Variants in TULP4 observed in about 807,000 individuals in gnomAD.
TULP4 encodes the protein tubby-related protein 4.
Under a neutral mutation model 129.0 loss-of-function variants are expected in TULP4, and 16 were observed. The ratio of observed to expected loss-of-function variants is 0.12; its 90% confidence interval spans 0.08 to 0.19. The LOEUF is 0.19. Among genes scored for constraint, TULP4 ranks in the 10% least tolerant of loss-of-function variants. The pLI is 1.00. For missense variants in TULP4, 1,842 were observed against 2,059.1 expected, an observed-to-expected ratio of 0.89 and a Z score of 2.04; for synonymous variants, 998 against 854.0, an observed-to-expected ratio of 1.17 and a Z score of -2.94.
intron 1 of TULP4, chr6:158,232,453 G>T (rs900470318): frequency 2.6e-5 from 4 of 151,376 alleles, no homozygotes; most frequent in African/African-American, 9.7e-5. Context: ...GCGGGCGGGG[G>T]TCGGGGCGGT....
chr6:158,367,604 G>A lies in TULP4; in HGVS notation c.253-45461G>A, dbSNP rs1035107957. On this transcript the variant is annotated intron_variant, in intron 1 of 13. Transcript: ENST00000367097. ...TCCACCTTAATAAAAATAATTCATG[G>A]TTAATTTTTTTAAAGATGTATGAAT... Among the ~76,000 whole-genome samples, 4 of 152,108 alleles carry A rather than the reference G, an allele frequency of 2.6e-5. No homozygotes were observed. In the South Asian group the frequency reaches 8.3e-4, roughly 32 times the overall value.
At chr6:158,382,351 C>G (rs1025022087) in intron 1 of TULP4, among the ~76,000 whole-genome samples, 1 of 152,114 alleles carries the variant, frequency 6.6e-6, no homozygotes, top group Non-Finnish European at 1.5e-5. Flanking sequence ...TTTTGGTACC[C>G]TGTGACGTTA....
intron 1 of TULP4, among the ~76,000 whole-genome samples, chr6:158,272,421 G>C (rs2128462399): frequency 6.6e-6 from 1 of 152,244 alleles, no homozygotes; most frequent in South Asian, 2.1e-4. Flanking sequence ...ATGAGGGAGA[G>C]GCTGGAGCTG....
At chr6:158,406,975 A>T (rs955253636) in intron 1 of TULP4, among the ~76,000 whole-genome samples, 1 of 152,214 alleles carries the variant, frequency 6.6e-6, no homozygotes, top group Non-Finnish European at 1.5e-5. Context: ...CTTTGACCAC[A>T]GATCTGTTTT....
At chr6:158,242,691 A>G (rs1048308222) in intron 1 of TULP4, 65 of 598,036 alleles carry the variant, frequency 1.1e-4, no homozygotes, top group Non-Finnish European at 1.8e-4. Flanking sequence ...CAGGCCAGTT[A>G]CATCATCTTT....
Position 158,502,275 on chromosome 6 carries a change from C to T in TULP4, c.2612C>T (p.Ser871Phe). ...VDVCLKKGDF[S>F]LYPTSVHYQT... ...GTGTGCTTGAAGAAGGGCGACTTCT[C>T]CCTCTACCCCACGTCAGTGCACTAC... The change falls in exon 13 of 14, where the codon TCC becomes TTC. Residue 871 changes from serine to phenylalanine, a missense_variant. Coordinates refer to ENST00000367097, the MANE Select transcript of TULP4 (RefSeq NM_020245.5). 6.2e-7 allele frequency: 1 copy of T among 1,604,960 alleles called. No individual in the cohort carries two copies. The highest frequency in any genetic ancestry group is 8.5e-7 in the Non-Finnish European group (1 of 1,175,264).
chr6:158,412,999 T>C (rs1778130626), intron 1 of TULP4, 66 bp from the exon 2 acceptor site: 1 of 1,556,134 alleles, frequency 6.4e-7, no homozygotes. Context: ...TCTGATCACA[T>C]CACAGAAATA....
At chr6:158,364,462 A>G (rs572663344) in intron 1 of TULP4, among the ~76,000 whole-genome samples, 4 of 152,216 alleles carry the variant, frequency 2.6e-5, no homozygotes, top group South Asian at 2.1e-4. Flanking sequence ...GTAACTATCT[A>G]TAGAAGGTAA....
Position 158,504,228 on chromosome 6 carries a change from A to G in TULP4, c.4515+50A>G, listed in dbSNP as rs747076104. ...TGCGAGCCCAGGAGGCGAGGGTTTCAGTGCTTCGGCCTTCAAGGAGCATTT... is the reference window on the plus strand; with the variant it reads ...TGCGAGCCCAGGAGGCGAGGGTTTCGGTGCTTCGGCCTTCAAGGAGCATTT... On this transcript the variant is annotated intron_variant, in intron 13 of 13. Transcript: ENST00000367097. The G allele has an allele frequency of 1.6e-5, 23 of 1,420,496 alleles. No homozygotes were observed. The South Asian group carries it at 2.0e-4, about 12-fold the overall frequency. 88.0% of individuals were successfully genotyped at this position (1,420,496 alleles called of 1,614,324 possible). A position where few individuals can be genotyped will look rare whatever the true frequency, so the allele number is the denominator to read the frequency against.
rs1476548955 is a variant in TULP4 at position 158,503,723 on chromosome 6, A to G, written c.4060A>G (p.Thr1354Ala). 1.2e-6 allele frequency: 2 copies of G among 1,614,108 alleles called. No homozygotes were observed. The highest frequency in any genetic ancestry group is 1.7e-6 in the Non-Finnish European group (2 of 1,180,040). ...AGAAGAAGGCAGCGTTCAGGCCATC[A>G]CTGAGGGCAAAGTGAAGAAGGAGGC... ...RAEEGSVQAI[T>A]EGKVKKEART... The change falls in exon 13 of 14, where the codon ACT becomes GCT. Residue 1354 changes from threonine (T) to alanine (A), a missense_variant. Physicochemically the swap from Thr to Ala is moderately conservative, Grantham distance 58 (BLOSUM62 0). Coordinates refer to ENST00000367097, the MANE Select transcript of TULP4 (RefSeq NM_020245.5). This position sits in a 1 kb window ranked among gnomAD's most constrained non-coding sequence, Gnocchi z 4.3.
intron 1 of TULP4, chr6:158,237,748 C>T: frequency 1.2e-6 from 1 of 830,682 alleles, no homozygotes; most frequent in South Asian, 1.3e-5. Flanking sequence ...TCCACCCTTC[C>T]AAATGTATGT....
intron 1 of TULP4, among the ~76,000 whole-genome samples, chr6:158,316,799 T>C (rs553513951): frequency 6.6e-6 from 1 of 152,268 alleles, no homozygotes. Flanking sequence ...CTCAGGGCCT[T>C]CTTCCAAGCT....
intron 1 of TULP4, chr6:158,242,185 G>T: frequency 7.8e-7 from 1 of 1,277,766 alleles, no homozygotes; most frequent in Non-Finnish European, 1.1e-6. Flanking sequence ...AGTCTCATCA[G>T]TGTCTTCTGA....
chr6:158,418,975 T>C (rs891999124), intron 2 of TULP4, among the ~76,000 whole-genome samples: 3 of 152,380 alleles, frequency 2.0e-5, no homozygotes, highest in African/African-American at 4.8e-5. Flanking sequence ...TGTAAGTAAA[T>C]AGCATTATCT....
intron 1 of TULP4, among the ~76,000 whole-genome samples, chr6:158,402,659 GT>G (rs1562551637): frequency 1.3e-5 from 2 of 152,146 alleles, no homozygotes; most frequent in Non-Finnish European, 2.9e-5. Context: ...TTGTAGATCA[GT>G]TTTTTAAAGA....
intron 1 of TULP4, among the ~76,000 whole-genome samples, chr6:158,302,525 A>G (rs1291044253): frequency 1.3e-5 from 2 of 152,252 alleles, no homozygotes; most frequent in South Asian, 2.1e-4. Flanking sequence ...AAGGTTCCAC[A>G]TTTCCAAGTT....
intron 2 of TULP4, among the ~76,000 whole-genome samples, chr6:158,426,022 G>A (rs1024504062): frequency 2.0e-5 from 3 of 152,144 alleles, no homozygotes; most frequent in African/African-American, 7.2e-5. Flanking sequence ...CTGCATGTAT[G>A]ACTTCTTTTG....
intron 12 of TULP4, 129 bp from the exon 13 acceptor site, chr6:158,501,549 G>A (rs551243649): frequency 1.2e-5 from 11 of 934,524 alleles, no homozygotes; most frequent in Admixed American, 5.5e-5. Context: ...AAGCAGACAC[G>A]TCTCTGTCTC....
At chr6:158,462,761 T>TAAA (rs1445975861) in intron 6 of TULP4, among the ~76,000 whole-genome samples, 1 of 145,288 alleles carries the variant, frequency 6.9e-6, no homozygotes. Context: ...TTTTTTTTTT[T>TAAA]TTTTTGAATT....
Sources: allele counts gnomAD v4.1 joint callset (sites outside exome capture counted in the v4.1 genomes callset), GRCh38; gene constraint gnomAD v4.1.1; non-coding constraint Gnocchi (gnomAD v3.1); transcripts MANE v1.5; gene names NCBI Gene and HGNC (gene_info 2026-07-23, HGNC 2026-07-21).